The following DHX32 variants were observed in gnomAD, a reference collection of about 807,000 sequenced individuals.
DHX32 encodes the protein DEAH-box helicase 32 (putative), also known as putative pre-mRNA-splicing factor ATP-dependent RNA helicase DHX32.
DHX32 carries 51 observed loss-of-function variants against 70.0 expected under a neutral mutation model. The ratio of observed to expected loss-of-function variants is 0.73; its 90% CI spans 0.58 to 0.92. The LOEUF (loss-of-function observed/expected upper bound fraction) is 0.92. Among genes scored for constraint, DHX32 ranks in the 40% least tolerant of loss-of-function variants. DHX32 has a pLI of 0.00. For missense variants in DHX32, 762 were observed against 891.8 expected, an observed-to-expected ratio of 0.85 and a Z score of 1.85; for synonymous variants, 310 against 315.3, an observed-to-expected ratio of 0.98 and a Z score of 0.18.
intron 3 of DHX32, among the ~76,000 whole-genome samples, chr10:125,857,360 A>G (rs1944154926): frequency 6.6e-6 from 1 of 152,212 alleles, no homozygotes; most frequent in South Asian, 2.1e-4. Flanking sequence ...AGCCAGCCCA[A>G]TGTCAGTGGC....
In DHX32 at chr10:125,880,908, G is replaced by T; in HGVS notation, c.-84C>A. 6.8e-7 allele frequency: 1 copy of T among 1,481,452 alleles called. No homozygotes were observed. The highest frequency in any genetic ancestry group is 9.1e-7 in the Non-Finnish European group (1 of 1,100,378). The allele number at this position is 1,481,452 out of a possible 1,614,324, so 91.8% of individuals were successfully genotyped here. A position where few individuals can be genotyped will look rare whatever the true frequency, so the allele number is the denominator to read the frequency against. Reference sequence around the variant, plus strand: ...AACCCATTGCAAACAGGGCTTAAAAGCCTATTTATACAAACCCGTATGTTC... The same window carrying T: ...AACCCATTGCAAACAGGGCTTAAAATCCTATTTATACAAACCCGTATGTTC... On this transcript the variant is annotated 5_prime_UTR_variant, in exon 1 of 11. Transcript: ENST00000284690.
At chr10:125,873,738 A>G (rs1944268729) in intron 1 of DHX32, among the ~76,000 whole-genome samples, 1 of 152,194 alleles carries the variant, frequency 6.6e-6, no homozygotes, top group Non-Finnish European at 1.5e-5. Flanking sequence ...ATATATCAGA[A>G]TCCATTACTG....
intron 6 of DHX32, among the ~76,000 whole-genome samples, chr10:125,848,475 C>T (rs937774062): frequency 2.0e-5 from 3 of 152,194 alleles, no homozygotes; most frequent in South Asian, 4.1e-4. Flanking sequence ...CATGGCCACC[C>T]AGCTGTTTTG....
At chr10:125,861,928 A>G (rs1052828495) in intron 2 of DHX32, among the ~76,000 whole-genome samples, 2 of 143,576 alleles carry the variant, frequency 1.4e-5, no homozygotes, top group African/African-American at 5.2e-5. Context: ...TCTTTCAAGG[A>G]AAAAAAAAAA....
chr10:125,860,335 A>G (rs1944178688), intron 2 of DHX32, among the ~76,000 whole-genome samples: 1 of 152,222 alleles, frequency 6.6e-6, no homozygotes, highest in African/African-American at 2.4e-5. Context: ...CACCCTGGTC[A>G]ATTTTTCCTC....
At chr10:125,847,064 G>A (rs1384515461) in intron 6 of DHX32, among the ~76,000 whole-genome samples, 1 of 152,190 alleles carries the variant, frequency 6.6e-6, no homozygotes, top group Non-Finnish European at 1.5e-5. Flanking sequence ...TTAGGGTTGG[G>A]ACTTGGGCAT....
At chr10:125,840,396 G>T (rs939513516) in intron 8 of DHX32, among the ~76,000 whole-genome samples, 1 of 152,208 alleles carries the variant, frequency 6.6e-6, no homozygotes, top group South Asian at 2.1e-4. Context: ...CAGCACCCCA[G>T]CCTACCTATT....
Position 125,880,662 on chromosome 10 carries a change from G to T in DHX32, c.163C>A (p.Leu55Ile). The change falls in exon 1 of 11, where the codon CTT (leucine) becomes ATT (isoleucine). Residue 55 changes from leucine to isoleucine, a missense_variant. This residue lies in a region of DHX32 where 394 missense variants were observed against 473.1 expected (regional missense o/e 0.83). Transcript: ENST00000284690. ...GGAAGATCTTCTCTTTCTTTCAGAA[G>T]TTTATAATAACGTGATGAATATGGC... ...GLPYSSRYYK[L>I]LKEREDLPIW... 6.2e-7 allele frequency: 1 copy of T among 1,614,178 alleles called. No individual in the cohort carries two copies. Among genetic ancestry groups the T allele is most frequent in the Non-Finnish European group, 8.5e-7 (1 of 1,180,028 alleles).
intron 1 of DHX32, among the ~76,000 whole-genome samples, chr10:125,892,945 T>A (rs1173576527): frequency 6.6e-6 from 1 of 152,188 alleles, no homozygotes; most frequent in Non-Finnish European, 1.5e-5. Flanking sequence ...TCTCTATTAT[T>A]ACCCTACTTA....
At chr10:125,847,058 G>A (rs1243190590) in intron 6 of DHX32, among the ~76,000 whole-genome samples, 1 of 152,152 alleles carries the variant, frequency 6.6e-6, no homozygotes, top group Non-Finnish European at 1.5e-5. Context: ...TTTATTTTAG[G>A]GTTGGGACTT....
At chr10:125,873,069 G>A (rs751942407) in intron 1 of DHX32, among the ~76,000 whole-genome samples, 1 of 152,246 alleles carries the variant, frequency 6.6e-6, no homozygotes, top group South Asian at 2.1e-4. Context: ...CTTTAGGGTG[G>A]GCTGCAGGGA....
rs371509912 is a variant in DHX32 at position 125,839,092 on chromosome 10, C to T, written c.1790G>A (p.Arg597Gln). ...IRAELLEIIK[R>Q]IELPYAEPAF... ...AGGTTCTGCATAGGGAAGCTCGATT[C>T]GCTTGATAATTTCTAAGAGTTCAGC... The change falls in exon 9 of 11, where the codon CGA becomes CAA. Residue 597 changes from arginine to glutamine, a missense_variant. Arg to Gln is a conservative substitution (Grantham distance 43, BLOSUM62 1). This residue lies in a region of DHX32 where 366 missense variants were observed against 402.6 expected (regional missense o/e 0.91). Transcript: ENST00000284690. The T allele has an allele frequency of 2.8e-5, 46 of 1,614,056 alleles. No homozygotes were observed. Among genetic ancestry groups the T allele is most frequent in the African/African-American group, 4.0e-5 (3 of 74,916 alleles).
chr10:125,846,145 C>T (rs990467929), intron 6 of DHX32, among the ~76,000 whole-genome samples: 4 of 152,204 alleles, frequency 2.6e-5, no homozygotes, highest in Admixed American at 2.6e-4. Flanking sequence ...TGGGAAAGTT[C>T]TGCCACTTCA....
At position 125,841,527 on chromosome 10, in the gene DHX32, G is replaced by C. The variant is rs964708151; in HGVS notation, c.1543+216C>G. On this transcript the variant is annotated intron_variant, in intron 7 of 10. Transcript: ENST00000284690. ...CATACATCTGATGTATAAATTTGCT[G>C]AACTTTGAGTTAGTTTTCTTAAGAT... 5 of 1,427,792 alleles carry C rather than the reference G, an allele frequency of 3.5e-6. No homozygotes were observed. In the Admixed American group the frequency reaches 9.3e-5, roughly 27 times the overall value. The allele number at this position is 1,427,792 out of a possible 1,614,324, so 88.4% of individuals were successfully genotyped here. A position where few individuals can be genotyped will look rare whatever the true frequency, so the allele number is the denominator to read the frequency against.
At chr10:125,862,425 C>G (rs981954775) in intron 2 of DHX32, among the ~76,000 whole-genome samples, 18 of 150,804 alleles carry the variant, frequency 1.2e-4, no homozygotes, top group Non-Finnish European at 2.9e-5. Context: ...GCATTGAAAT[C>G]TAGTTTTCAA....
At chr10:125,865,948 C>A (rs79265586) in intron 2 of DHX32, among the ~76,000 whole-genome samples, 3,853 of 152,302 alleles carry the variant, frequency 0.025, 166 homozygotes, top group African/African-American at 0.087. Flanking sequence ...GCACATGAGA[C>A]ACTAGGGATA....
At chr10:125,851,125 A>C (rs749289482) in intron 6 of DHX32, among the ~76,000 whole-genome samples, 2 of 152,256 alleles carry the variant, frequency 1.3e-5, no homozygotes, top group Non-Finnish European at 2.9e-5. Context: ...CACATGGTTC[A>C]TGCATCCTGA....
Position 125,854,163 on chromosome 10 carries a change from T to A in DHX32, c.890A>T (p.Asn297Ile), listed in dbSNP as rs143289913. Residue 297 changes from asparagine to isoleucine, a missense_variant, in exon 4 of 11, where the codon AAC becomes ATC. Transcript: ENST00000284690. Reference sequence around the variant, plus strand: ...CAGTTCTCCAAGATCTGGGTTTAGGTTAGATCCTTGATAGACAGTTTCACA... The same window carrying A: ...CAGTTCTCCAAGATCTGGGTTTAGGATAGATCCTTGATAGACAGTTTCACA... ...KVCETVYQGS[N>I]LNPDLGELVV... is the part of the protein sequence containing the mutation. 7.5e-5 allele frequency: 121 copies of A among 1,613,730 alleles called. No homozygotes were observed. In the African/African-American group the frequency reaches 1.4e-3, roughly 19 times the overall value.
intron 1 of DHX32, among the ~76,000 whole-genome samples, chr10:125,876,353 ATTGGCTCTATC>A (rs1345545991): frequency 6.6e-6 from 1 of 152,258 alleles, no homozygotes; most frequent in African/African-American, 2.4e-5. Flanking sequence ...GTCTTGATAA[ATTGGCTCTATC>A]TTGACAACAA....
Sources: gnomAD v4.1 joint callset for allele counts (sites outside exome capture counted in the v4.1 genomes callset) on GRCh38, gnomAD v4.1.1 for gene constraint, gnomAD v4.1.1 regional missense constraint, MANE v1.5 for transcripts, NCBI Gene and HGNC (gene_info 2026-07-23, HGNC 2026-07-21) for gene names.